The following R3HDM2 variants were observed in gnomAD, a reference collection of about 807,000 sequenced individuals.
R3HDM2 encodes R3H domain containing 2.
R3HDM2 carries 38 observed loss-of-function variants against 124.5 expected under a neutral mutation model. That is an observed-to-expected ratio of 0.31 (90% CI 0.24 to 0.40). The LOEUF (loss-of-function observed/expected upper bound fraction) is 0.40, where lower values mean the gene tolerates loss of function less well. R3HDM2 is among the 10% of genes least tolerant of loss of function. R3HDM2 has a pLI of 1.00. For synonymous variants in R3HDM2, 391 were observed against 448.0 expected (o/e 0.87, Z 1.61); for missense variants, 869 against 1,236.9 (o/e 0.70, Z 4.46).
At chr12:57,406,436 T>C (rs2068533370) in intron 1 of R3HDM2, among the ~76,000 whole-genome samples, 1 of 152,004 alleles carries the variant, frequency 6.6e-6, no homozygotes, top group African/African-American at 2.4e-5. Context: ...AAAATGTTAA[T>C]AAACAAACTA....
chr12:57,265,085 T>C (rs2041996092), intron 19 of R3HDM2, among the ~76,000 whole-genome samples: 1 of 152,220 alleles, frequency 6.6e-6, no homozygotes, highest in African/African-American at 2.4e-5. Context: ...TTGGAATGGC[T>C]GGCCTCTCCA....
chr12:57,314,253 T>C (rs1444319889), intron 2 of R3HDM2, among the ~76,000 whole-genome samples: 3 of 149,754 alleles, frequency 2.0e-5, no homozygotes, highest in Non-Finnish European at 3.0e-5. Context: ...GCCGAGGCGG[T>C]TGGATAACCT....
At chr12:57,375,059 A>T (rs1332867029) in intron 2 of R3HDM2, among the ~76,000 whole-genome samples, 2 of 147,324 alleles carry the variant, frequency 1.4e-5, no homozygotes, top group African/African-American at 2.5e-5. Flanking sequence ...TTAACCATTT[A>T]AAAAAAAAAA....
chr12:57,316,040 T>C (rs374088977), intron 2 of R3HDM2, among the ~76,000 whole-genome samples: 2 of 152,318 alleles, frequency 1.3e-5, no homozygotes, highest in East Asian at 3.9e-4. Flanking sequence ...GAGGTTGCAG[T>C]GAGCTGAGAT....
intron 18 of R3HDM2, among the ~76,000 whole-genome samples, chr12:57,267,988 A>G (rs2042847362): frequency 6.6e-6 from 1 of 152,204 alleles, no homozygotes. Context: ...TCACAGTCCA[A>G]AAAAATTTCT....
rs556418029 is a variant in R3HDM2, at chr12:57,373,723, G to C, written c.-36+22026C>G. Among the ~76,000 whole-genome samples, 241 of 152,088 alleles carry C rather than the reference G, an allele frequency of 1.6e-3. 1 individual carries two copies. Among genetic ancestry groups the C allele is most frequent in the Non-Finnish European group, 3.0e-3 (202 of 67,998 alleles). The stretch of plus-strand genomic sequence containing the variant: ...AGCTACTTGGAAGGCTAAGGCAAAA[G>C]AATCACTTGAACCCAGGAGGCAGAG... On this transcript the variant is annotated intron_variant, in intron 2 of 23. Coordinates refer to ENST00000402412, the MANE Select transcript of R3HDM2 (RefSeq NM_001394031.1).
intron 1 of R3HDM2, among the ~76,000 whole-genome samples, chr12:57,409,822 A>G (rs1249606546): frequency 6.6e-6 from 1 of 152,174 alleles, no homozygotes; most frequent in Non-Finnish European, 1.5e-5. Context: ...TTTTTGTCTC[A>G]GTAAGTTCTT....
At chr12:57,373,489 A>T in intron 2 of R3HDM2, among the ~76,000 whole-genome samples, 1 of 150,416 alleles carries the variant, frequency 6.6e-6, no homozygotes, top group Non-Finnish European at 1.5e-5. Context: ...ACAGAGCAAG[A>T]CTCCGTCTCA....
intron 2 of R3HDM2, among the ~76,000 whole-genome samples, chr12:57,343,140 T>C (rs1410713270): frequency 6.6e-6 from 1 of 151,020 alleles, no homozygotes; most frequent in African/African-American, 2.4e-5. Flanking sequence ...TGAGAAAGTA[T>C]ACATGGCTCT....
At chr12:57,259,982 G>A (rs1430080710) in intron 19 of R3HDM2, among the ~76,000 whole-genome samples, 1 of 152,088 alleles carries the variant, frequency 6.6e-6, no homozygotes, top group Non-Finnish European at 1.5e-5. Context: ...AGCTACTGAA[G>A]GTCGGGCACA....
At chr12:57,272,452 C>A in intron 14 of R3HDM2, 1 of 1,548,312 alleles carries the variant, frequency 6.5e-7, no homozygotes, top group Non-Finnish European at 8.7e-7. Context: ...GGAGTTTATA[C>A]CATGTTGTAC....
intron 2 of R3HDM2, among the ~76,000 whole-genome samples, chr12:57,326,131 A>T (rs972432711): frequency 1.8e-4 from 27 of 152,148 alleles, no homozygotes; most frequent in Non-Finnish European, 3.1e-4. Context: ...CTCTTCTACC[A>T]CCCAACTGTT....
At chr12:57,411,247 G>T (rs974997991) in intron 1 of R3HDM2, among the ~76,000 whole-genome samples, 1 of 152,120 alleles carries the variant, frequency 6.6e-6, no homozygotes, top group Non-Finnish European at 1.5e-5. Context: ...TGTTGCCCAG[G>T]CTAGATGGAG....
intron 14 of R3HDM2, among the ~76,000 whole-genome samples, chr12:57,274,718 G>A (rs1162762818): frequency 1.3e-5 from 2 of 152,216 alleles, no homozygotes; most frequent in South Asian, 2.1e-4. Flanking sequence ...GAAAAACCAT[G>A]AGGAAATTTA....
At chr12:57,330,404 C>T (rs1477861881) in intron 2 of R3HDM2, among the ~76,000 whole-genome samples, 1 of 151,040 alleles carries the variant, frequency 6.6e-6, no homozygotes, top group Non-Finnish European at 1.5e-5. Context: ...AGTTCAATGA[C>T]ACAACCTCAG....
intron 21 of R3HDM2, 56 bp downstream of exon 21, chr12:57,257,934 G>C: frequency 7.2e-7 from 1 of 1,395,926 alleles, no homozygotes; most frequent in Non-Finnish European, 9.5e-7. Context: ...TCTGCAATTG[G>C]GAATGGGATG....
At chr12:57,263,775 G>A (rs2041511503) in intron 19 of R3HDM2, among the ~76,000 whole-genome samples, 1 of 152,266 alleles carries the variant, frequency 6.6e-6, no homozygotes, top group South Asian at 2.1e-4. Flanking sequence ...GCCTGGCCTG[G>A]AAGTCATTGC....
chr12:57,300,107 T>A lies in R3HDM2; in HGVS notation c.282A>T (p.Pro94=). 1.3e-6 allele frequency: 2 copies of A among 1,551,210 alleles called. No homozygotes were observed. Among genetic ancestry groups the A allele is most frequent in the East Asian group, 4.9e-5 (2 of 40,934 alleles). ...GCAAATGACCTACCTGGGTTTCTAA[T>A]GGCCCATCAGCAAATGGGGTGGAGG... is the stretch of plus-strand genomic sequence containing the variant. The part of the protein sequence containing the change: ...EESSTPFADG[P]LETQDIIQLH... Residue 94 remains proline, a synonymous_variant, in exon 5 of 24, where the codon CCA becomes CCT. Coordinates refer to ENST00000402412, the MANE Select transcript of R3HDM2 (RefSeq NM_001394031.1).
chr12:57,386,569 G>A (rs1247436468), intron 2 of R3HDM2, among the ~76,000 whole-genome samples: 1 of 152,212 alleles, frequency 6.6e-6, no homozygotes, highest in East Asian at 1.9e-4. Flanking sequence ...GTGGGCTCCT[G>A]CGCAGCCTGA....
Sources: gnomAD v4.1 joint callset for allele counts (sites outside exome capture counted in the v4.1 genomes callset) on GRCh38, gnomAD v4.1.1 for gene constraint, MANE v1.5 for transcripts, NCBI Gene and HGNC (gene_info 2026-07-23, HGNC 2026-07-21) for gene names.